Variants in SNTB2 observed in about 807,000 individuals in gnomAD.
SNTB2 encodes syntrophin beta 2.
SNTB2 carries 34 observed loss-of-function variants against 46.2 expected under a neutral mutation model. The observed-to-expected ratio is 0.74, with a 90% CI of 0.56 to 0.98. The LOEUF is 0.98. Among genes scored for constraint, SNTB2 ranks in the 50% least tolerant of loss-of-function variants. SNTB2 has a pLI of 0.00. For synonymous variants in SNTB2, 290 were observed against 312.6 expected, an observed-to-expected ratio of 0.93 and a Z score of 0.76; for missense variants, 603 against 731.4, an observed-to-expected ratio of 0.82 and a Z score of 2.02.
chr16:69,257,040 A>C (rs1334136390), intron 2 of SNTB2, among the ~76,000 whole-genome samples: 3 of 151,960 alleles, frequency 2.0e-5, no homozygotes, highest in Admixed American at 2.0e-4. Context: ...GCTTGGTGGC[A>C]TGTACCTGTA....
rs1965314748 is a variant in SNTB2, at chr16:69,306,196, C to T, written c.*5272C>T. ...AGAATTTCAAGTTAAGGATAAGGCA[C>T]AATAAATAGGCACATAGAGGACATC... On this transcript the variant is annotated 3_prime_UTR_variant, in exon 7 of 7. Transcript: ENST00000336278. The T allele has an allele frequency of 2.0e-5, 3 of 151,912 alleles. No individual in the cohort carries two copies. Among genetic ancestry groups the T allele is most frequent in the Non-Finnish European group, 4.4e-5 (3 of 67,986 alleles). 9.4% of individuals were successfully genotyped at this position (151,912 alleles called of 1,614,324 possible). A position where few individuals can be genotyped will look rare whatever the true frequency, so the allele number is the denominator to read the frequency against.
chr16:69,292,394 A>ATATATATATATAT (rs1965174892), intron 5 of SNTB2, among the ~76,000 whole-genome samples: 1 of 28,086 alleles, frequency 3.6e-5, no homozygotes, highest in Non-Finnish European at 5.6e-5. Context: ...TATATATTAT[A>ATATATATATATAT]TATATATATA....
At position 69,187,226 on chromosome 16, in the gene SNTB2, G is replaced by A; in HGVS notation, c.60G>A (p.Thr20=). 1 of 1,447,548 alleles carries A rather than the reference G, an allele frequency of 6.9e-7. No homozygotes were observed. The highest frequency in any genetic ancestry group is 9.1e-7 in the Non-Finnish European group (1 of 1,102,056). The allele number at this position is 1,447,548 out of a possible 1,614,324, so 89.7% of individuals were successfully genotyped here. The part of the protein sequence containing the change: ...AGAGPAMAVW[T]RATKAGLVEL... ...CGGGGCCGGCCATGGCGGTGTGGAC[G>A]CGGGCCACCAAAGCGGGGCTGGTGG... The change falls in exon 1 of 7, where the codon ACG becomes ACA. Residue 20 remains threonine (T), a synonymous_variant. Coordinates refer to ENST00000336278, the MANE Select transcript of SNTB2 (RefSeq NM_006750.4).
rs1965273528 is a variant in SNTB2, at chr16:69,300,975, C to T, written c.*51C>T. On this transcript the variant is annotated 3_prime_UTR_variant, in exon 7 of 7. Transcript: ENST00000336278. ...TGACTGTCACAAGAAATATTTCCAC[C>T]TCAAAAAAAAAAAAGCACAAAAAGA... The T allele has an allele frequency of 8.6e-7, 1 of 1,159,512 alleles. No individual in the cohort carries two copies. The highest frequency in any genetic ancestry group is 2.1e-5 in the Admixed American group (1 of 46,560). 71.8% of individuals were successfully genotyped at this position (1,159,512 alleles called of 1,614,324 possible).
chr16:69,225,894 A>G (rs1032409903), intron 1 of SNTB2, among the ~76,000 whole-genome samples: 1 of 151,468 alleles, frequency 6.6e-6, no homozygotes, highest in African/African-American at 2.4e-5. Flanking sequence ...CGGCCTCCTG[A>G]GTAGCTGGGA....
In SNTB2 at chr16:69,296,343, G is replaced by GAC. The variant is rs376073093; in HGVS notation, c.1346-3235_1346-3234dup. On this transcript the variant is annotated intron_variant, in intron 5 of 6. Coordinates refer to ENST00000336278, the MANE Select transcript of SNTB2 (RefSeq NM_006750.4). Reference sequence around the variant, plus strand: ...ATCTAGACCTAAATACATTAAGTTTGACACACACACACAGAATCACACACA... The same window carrying GAC: ...ATCTAGACCTAAATACATTAAGTTTGACACACACACACACAGAATCACACACA... Among the ~76,000 whole-genome samples, 4 of 151,812 alleles carry GAC rather than the reference G, an allele frequency of 2.6e-5. No homozygotes were observed. In the South Asian group the frequency reaches 6.2e-4, roughly 24 times the overall value.
rs573129056 is a variant in SNTB2 at position 69,284,402 on chromosome 16, A to G, written c.1345+158A>G. Among the ~76,000 whole-genome samples, 14 of 147,038 alleles carry G rather than the reference A, an allele frequency of 9.5e-5. No homozygotes were observed. In the East Asian group the frequency reaches 1.0e-3, roughly 11 times the overall value. On this transcript the variant is annotated intron_variant, in intron 5 of 6. Transcript: ENST00000336278. ...TTTTTACTATACCTTTTCTAAGTGT[A>G]CATATGTTAAGACACACAAATGCAG...
At chr16:69,266,778 A>G (rs1017915925) in intron 3 of SNTB2, among the ~76,000 whole-genome samples, 1 of 152,172 alleles carries the variant, frequency 6.6e-6, no homozygotes, top group African/African-American at 2.4e-5. Context: ...GTACAGTAGT[A>G]CAATCTCAGC....
At chr16:69,281,047 G>A (rs1214719358) in intron 4 of SNTB2, among the ~76,000 whole-genome samples, 2 of 152,180 alleles carry the variant, frequency 1.3e-5, no homozygotes, top group Non-Finnish European at 2.9e-5. Context: ...CGCCCGCCTC[G>A]GCCTCCCAAA....
chr16:69,246,408 A>C (rs900832718), intron 2 of SNTB2, among the ~76,000 whole-genome samples: 1 of 151,300 alleles, frequency 6.6e-6, no homozygotes, highest in Non-Finnish European at 1.5e-5. Flanking sequence ...CCAGGGATGA[A>C]GCCCACTTGA....
Position 69,261,309 on chromosome 16 carries a change from C to CT in SNTB2, c.1005+1062dup, listed in dbSNP as rs879629511. Among the ~76,000 whole-genome samples the CT allele has an allele frequency of 2.4e-3, 336 of 141,616 alleles. 2 individuals carry two copies. Among genetic ancestry groups the CT allele is most frequent in the Middle Eastern group, 0.011 (3 of 268 alleles). 92.9% of individuals were successfully genotyped at this position (141,616 alleles called of 152,430 possible). A position where few individuals can be genotyped will look rare whatever the true frequency, so the allele number is the denominator to read the frequency against. ...ACCTTCCTCCCCAACATAGTTCTAACTTTTTTTTTTTTTAAGTTGAGGTTG... is the reference window on the plus strand; with the variant it reads ...ACCTTCCTCCCCAACATAGTTCTAACTTTTTTTTTTTTTTAAGTTGAGGTTG... On this transcript the variant is annotated intron_variant, in intron 3 of 6. Transcript: ENST00000336278.
At chr16:69,227,841 A>ATTTT (rs60387965) in intron 1 of SNTB2, among the ~76,000 whole-genome samples, 3 of 115,914 alleles carry the variant, frequency 2.6e-5, no homozygotes, top group Non-Finnish European at 3.4e-5. Context: ...GTTTCTCTGG[A>ATTTT]TTTTTTTTTT....
At chr16:69,243,777 A>T (rs1315206592) in intron 1 of SNTB2, among the ~76,000 whole-genome samples, 1 of 152,170 alleles carries the variant, frequency 6.6e-6, no homozygotes, top group East Asian at 1.9e-4. Context: ...TTCTAGGGTA[A>T]AAAAATCTCC....
chr16:69,246,717 T>G (rs1444465638), intron 2 of SNTB2, among the ~76,000 whole-genome samples: 3 of 145,758 alleles, frequency 2.1e-5, no homozygotes, highest in Non-Finnish European at 4.5e-5. Flanking sequence ...GGTAAACTAT[T>G]GATTATTGCC....
intron 1 of SNTB2, among the ~76,000 whole-genome samples, chr16:69,233,064 AG>A (rs1200507871): frequency 2.0e-5 from 3 of 152,222 alleles, no homozygotes; most frequent in Non-Finnish European, 4.4e-5. Context: ...GAAAATTCCA[AG>A]ATCACCATAA....
At chr16:69,236,161 GC>G (rs1361360555) in intron 1 of SNTB2, among the ~76,000 whole-genome samples, 1 of 152,156 alleles carries the variant, frequency 6.6e-6, no homozygotes, top group African/African-American at 2.4e-5. Context: ...TCTTGTGCAA[GC>G]AGTTTAGTAA....
At chr16:69,266,898 G>A (rs1964891438) in intron 3 of SNTB2, among the ~76,000 whole-genome samples, 1 of 151,998 alleles carries the variant, frequency 6.6e-6, no homozygotes, top group Non-Finnish European at 1.5e-5. Context: ...CGTATTTTTT[G>A]TGGAGATGGG....
At chr16:69,288,593 A>G (rs556410045) in intron 5 of SNTB2, among the ~76,000 whole-genome samples, 2 of 152,268 alleles carry the variant, frequency 1.3e-5, no homozygotes, top group East Asian at 3.9e-4. Flanking sequence ...GTTGGTGGGA[A>G]TGTAAATCAG....
intron 5 of SNTB2, among the ~76,000 whole-genome samples, chr16:69,292,367 TATA>T (rs1174164828): frequency 9.8e-5 from 2 of 20,324 alleles, no homozygotes; most frequent in South Asian, 1.2e-3. Flanking sequence ...TATATATATA[TATA>T]TATATATATT....
Sources: allele counts gnomAD v4.1 joint callset (sites outside exome capture counted in the v4.1 genomes callset), GRCh38; gene constraint gnomAD v4.1.1; transcripts MANE v1.5; gene names NCBI Gene and HGNC (gene_info 2026-07-23, HGNC 2026-07-21).